DYNLT5: variants seen among roughly 807,000 people sequenced by gnomAD.
DYNLT5 encodes the protein dynein light chain Tctex-type 5.
A neutral mutation model predicts 19.3 loss-of-function variants in DYNLT5; 25 were observed. That is an observed-to-expected ratio of 1.30 (90% CI 0.95 to 1.81). DYNLT5 has a LOEUF of 1.81. DYNLT5 is among the 40% of genes most tolerant of loss of function. The pLI is 0.00. For missense variants in DYNLT5, 232 were observed against 217.9 expected (o/e 1.06, Z -0.41); for synonymous variants, 82 against 68.9 (o/e 1.19, Z -0.94).
chr1:66,756,920 T>C (rs1168666538), intron 2 of DYNLT5, among the ~76,000 whole-genome samples: 1 of 152,222 alleles, frequency 6.6e-6, no homozygotes, highest in Non-Finnish European at 1.5e-5. Flanking sequence ...CTTCTTACAC[T>C]ATTCCCCTGG....
At chr1:66,756,423 T>G (rs1342260910) in intron 2 of DYNLT5, among the ~76,000 whole-genome samples, 1 of 152,210 alleles carries the variant, frequency 6.6e-6, no homozygotes, top group Admixed American at 6.5e-5. Context: ...TGAATGAGGC[T>G]TCAACTAGTA....
chr1:66,765,178 A>G (rs1187436791), intron 2 of DYNLT5, among the ~76,000 whole-genome samples: 1 of 152,188 alleles, frequency 6.6e-6, no homozygotes, highest in African/African-American at 2.4e-5. Flanking sequence ...CTGAAATATC[A>G]CCACTGGGAG....
At chr1:66,776,194 T>A in intron 3 of DYNLT5, 85 bp from the exon 4 acceptor site, 3 of 1,497,536 alleles carry the variant, frequency 2.0e-6, no homozygotes, top group Non-Finnish European at 2.7e-6. Flanking sequence ...CCCTCCATGT[T>A]TCCATACTCT....
At chr1:66,774,981 G>A (rs1320895869) in intron 3 of DYNLT5, 2 of 152,168 alleles carry the variant, frequency 1.3e-5, no homozygotes, top group Non-Finnish European at 2.9e-5. Context: ...TAGAATTCTT[G>A]ATCTCATTCC....
At chr1:66,769,533 A>G (rs780824232) in intron 2 of DYNLT5, among the ~76,000 whole-genome samples, 2 of 151,908 alleles carry the variant, frequency 1.3e-5, no homozygotes, top group African/African-American at 2.4e-5. Flanking sequence ...ACACACACAC[A>G]CAAACACACA....
chr1:66,772,904 T>A (rs1645212016), intron 3 of DYNLT5, among the ~76,000 whole-genome samples: 1 of 152,248 alleles, frequency 6.6e-6, no homozygotes, highest in South Asian at 2.1e-4. Flanking sequence ...ATACTAATTT[T>A]GCTAATTCCT....
intron 2 of DYNLT5, among the ~76,000 whole-genome samples, chr1:66,760,575 T>C (rs1378106664): frequency 1.3e-5 from 2 of 152,210 alleles, no homozygotes; most frequent in Non-Finnish European, 2.9e-5. Flanking sequence ...TTTACCTCCA[T>C]GCTGACACAT....
intron 2 of DYNLT5, among the ~76,000 whole-genome samples, chr1:66,763,048 G>A (rs756742779): frequency 4.9e-4 from 74 of 152,214 alleles, no homozygotes; most frequent in Middle Eastern, 3.4e-3. Flanking sequence ...GATGAAGGTC[G>A]AAATTACTCC....
At chr1:66,775,917 A>AG (rs1210626552) in intron 3 of DYNLT5, among the ~76,000 whole-genome samples, 1 of 152,146 alleles carries the variant, frequency 6.6e-6, no homozygotes, top group African/African-American at 2.4e-5. Context: ...AATGTCATTT[A>AG]AGATCTGGTA....
intron 3 of DYNLT5, among the ~76,000 whole-genome samples, chr1:66,772,930 G>A (rs888466503): frequency 2.0e-5 from 3 of 152,170 alleles, no homozygotes; most frequent in Non-Finnish European, 2.9e-5. Flanking sequence ...AAGGTATTTA[G>A]CATCATTGAA....
rs933130913 is a variant in DYNLT5, at chr1:66,775,897, C to T, written c.212-382C>T. Among the ~76,000 whole-genome samples the T allele has an allele frequency of 4.6e-5, 7 of 152,160 alleles. No homozygotes were observed. In the South Asian group the frequency reaches 1.0e-3, roughly 23 times the overall value. ...CAGTAGGGAATCACACTTTAGACCTCGCTAAGGGGAATGTCATTTAAGATC... is the reference window on the plus strand; with the variant it reads ...CAGTAGGGAATCACACTTTAGACCTTGCTAAGGGGAATGTCATTTAAGATC... On this transcript the variant is annotated intron_variant, in intron 3 of 4. Transcript: ENST00000282670.
Position 66,777,586 on chromosome 1 carries a change from AATTTTTTCATATTCTAGTAAAG to A in DYNLT5, c.*137_*158del. The A allele has an allele frequency of 1.4e-6, 1 of 719,030 alleles. No individual in the cohort carries two copies. The highest frequency in any genetic ancestry group is 2.2e-6 in the Non-Finnish European group (1 of 464,268). The allele number at this position is 719,030 out of a possible 1,614,324, so 44.5% of individuals were successfully genotyped here. Reference sequence around the variant, plus strand: ...TATTTCAAGCAACTGGAAGCTTTTGAATTTTTTCATATTCTAGTAAAGATTTGGGGAGGGGAGGGTAGCCACA... The same window carrying A: ...TATTTCAAGCAACTGGAAGCTTTTGAATTTGGGGAGGGGAGGGTAGCCACA... On this transcript the variant is annotated 3_prime_UTR_variant, in exon 5 of 5. Coordinates refer to ENST00000282670, the MANE Select transcript of DYNLT5 (RefSeq NM_152665.3).
intron 2 of DYNLT5, among the ~76,000 whole-genome samples, chr1:66,765,214 A>G (rs1453331937): frequency 1.3e-5 from 2 of 152,204 alleles, no homozygotes; most frequent in Non-Finnish European, 2.9e-5. Flanking sequence ...ATAACAGCTT[A>G]TCTCCCCTCC....
intron 3 of DYNLT5, chr1:66,775,132 T>G (rs1291120071): frequency 6.6e-6 from 1 of 152,210 alleles, no homozygotes; most frequent in Non-Finnish European, 1.5e-5. Context: ...AGGAAGAAGA[T>G]TCATTTGAAG....
At chr1:66,763,978 A>G (rs1258836029) in intron 2 of DYNLT5, among the ~76,000 whole-genome samples, 1 of 152,150 alleles carries the variant, frequency 6.6e-6, no homozygotes, top group Admixed American at 6.5e-5. Context: ...TGAGTTCAAG[A>G]GTTCGAGACC....
At chr1:66,755,547 T>C (rs1572542119) in intron 2 of DYNLT5, 1 of 152,242 alleles carries the variant, frequency 6.6e-6, no homozygotes, top group African/African-American at 2.4e-5. Context: ...GTATATTGAG[T>C]ATATATTGGG....
In DYNLT5 at chr1:66,777,587, A is replaced by AT; in HGVS notation, c.*139dup. 1 of 698,770 alleles carries AT rather than the reference A, an allele frequency of 1.4e-6. No homozygotes were observed. Among genetic ancestry groups the AT allele is most frequent in the African/African-American group, 1.8e-5 (1 of 56,108 alleles). The allele number at this position is 698,770 out of a possible 1,614,324, so 43.3% of individuals were successfully genotyped here. ...ATTTCAAGCAACTGGAAGCTTTTGA[A>AT]TTTTTTCATATTCTAGTAAAGATTT... On this transcript the variant is annotated 3_prime_UTR_variant, in exon 5 of 5. Coordinates refer to ENST00000282670, the MANE Select transcript of DYNLT5 (RefSeq NM_152665.3).
At chr1:66,761,517 C>G (rs1320179437) in intron 2 of DYNLT5, among the ~76,000 whole-genome samples, 1 of 152,150 alleles carries the variant, frequency 6.6e-6, no homozygotes, top group Non-Finnish European at 1.5e-5. Context: ...GGCAAAGTGA[C>G]TCACGCCTAT....
At chr1:66,754,574 A>G (rs2094632670) in intron 1 of DYNLT5, 82 bp from the exon 2 acceptor site, 1 of 1,393,060 alleles carries the variant, frequency 7.2e-7, no homozygotes. Context: ...CTATCTGTGT[A>G]CTTTGAGATT....
Sources: allele counts gnomAD v4.1 joint callset (sites outside exome capture counted in the v4.1 genomes callset), GRCh38; gene constraint gnomAD v4.1.1; transcripts MANE v1.5; gene names NCBI Gene and HGNC (gene_info 2026-07-23, HGNC 2026-07-21).